Variants in USP7 observed in about 807,000 individuals in gnomAD.
USP7 encodes ubiquitin C-terminal hydrolase 7.
USP7 carries 9 observed loss-of-function variants against 162.9 expected under a neutral mutation model. The ratio of observed to expected loss-of-function variants is 0.06; its 90% CI spans 0.03 to 0.10. The LOEUF is 0.10. Ranked by LOEUF, USP7 falls within the 10% of genes least tolerant of loss-of-function variation. The pLI is 1.00. For missense variants in USP7, 715 were observed against 1,373.7 expected (o/e 0.52, Z 7.58); for synonymous variants, 562 against 475.9 (o/e 1.18, Z -2.35).
At chr16:8,940,893 C>T (rs551418171) in intron 1 of USP7, among the ~76,000 whole-genome samples, 2 of 151,546 alleles carry the variant, frequency 1.3e-5, no homozygotes, top group Non-Finnish European at 2.9e-5. Flanking sequence ...GGAATATATA[C>T]AGTCTCCAGA....
intron 11 of USP7, among the ~76,000 whole-genome samples, chr16:8,910,379 A>C (rs751779867): frequency 6.6e-6 from 1 of 152,230 alleles, no homozygotes; most frequent in Non-Finnish European, 1.5e-5. Flanking sequence ...ACATTTAAAA[A>C]TAAAGAAACA....
chr16:8,913,453 A>G (rs2061980259), intron 10 of USP7, among the ~76,000 whole-genome samples: 1 of 152,048 alleles, frequency 6.6e-6, no homozygotes, highest in East Asian at 1.9e-4. Flanking sequence ...GATGAACAGA[A>G]AGAGTAAGGA....
intron 1 of USP7, among the ~76,000 whole-genome samples, chr16:8,939,403 G>T (rs1040000013): frequency 6.6e-6 from 1 of 152,228 alleles, no homozygotes; most frequent in African/African-American, 2.4e-5. Flanking sequence ...TATCATGGCA[G>T]GGATGGACTG....
At chr16:8,959,991 AAC>A (rs537292601) in intron 1 of USP7, among the ~76,000 whole-genome samples, 55 of 152,302 alleles carry the variant, frequency 3.6e-4, no homozygotes, top group African/African-American at 1.3e-3. Flanking sequence ...CAGGGAAAAA[AAC>A]AGTTTGTATG....
chr16:8,918,010 T>TC (rs1897471033), intron 6 of USP7, among the ~76,000 whole-genome samples: 1 of 151,634 alleles, frequency 6.6e-6, no homozygotes, highest in Non-Finnish European at 1.5e-5. Flanking sequence ...CAGGATGGTC[T>TC]CGATCTGCTG....
chr16:8,904,312 A>G lies in USP7; in HGVS notation c.1704+123T>C, dbSNP rs891802738. On this transcript the variant is annotated intron_variant, in intron 15 of 30. Coordinates refer to ENST00000344836, the MANE Select transcript of USP7 (RefSeq NM_003470.3). Reference sequence around the variant, plus strand: ...GACTGACCTGCACTTGCGTACAGAGATGGATGCCCTGCTGCATGGTGACCT... The same window carrying G: ...GACTGACCTGCACTTGCGTACAGAGGTGGATGCCCTGCTGCATGGTGACCT... 7 of 1,513,370 alleles carry G rather than the reference A, an allele frequency of 4.6e-6. No homozygotes were observed. In the Admixed American group the frequency reaches 1.4e-4, roughly 29 times the overall value. 93.7% of individuals were successfully genotyped at this position (1,513,370 alleles called of 1,614,324 possible).
chr16:8,894,960 A>T, intron 28 of USP7, 71 bp downstream of exon 28: 1 of 1,613,352 alleles, frequency 6.2e-7, no homozygotes, highest in Non-Finnish European at 8.5e-7. Context: ...AGGAGCGCAG[A>T]TTCGGCAACA....
chr16:8,928,373 G>A (rs1420068365), intron 2 of USP7, among the ~76,000 whole-genome samples: 1 of 152,194 alleles, frequency 6.6e-6, no homozygotes, highest in Non-Finnish European at 1.5e-5. Context: ...CAGAGTCTTA[G>A]GGAATCATTA....
At chr16:8,905,737 G>C (rs1172099595) in intron 13 of USP7, among the ~76,000 whole-genome samples, 2 of 152,184 alleles carry the variant, frequency 1.3e-5, no homozygotes, top group Non-Finnish European at 2.9e-5. Context: ...AACTAAATGA[G>C]CTGTTTTATC....
At chr16:8,934,448 A>C (rs1334273599) in intron 1 of USP7, among the ~76,000 whole-genome samples, 2 of 152,270 alleles carry the variant, frequency 1.3e-5, no homozygotes, top group African/African-American at 4.8e-5. Flanking sequence ...TCAAGAGCGC[A>C]TAACATCTTA....
intron 1 of USP7, chr16:8,956,357 G>C (rs781305301): frequency 6.6e-6 from 1 of 152,218 alleles, no homozygotes; most frequent in African/African-American, 2.4e-5. Flanking sequence ...CATTCATGAA[G>C]TTAAAGCTCC....
In USP7 at chr16:8,908,460, G is replaced by C; in HGVS notation, c.1162-10C>G. On this transcript the variant is annotated splice_polypyrimidine_tract_variant and intron_variant, in intron 11 of 30. Transcript: ENST00000344836. ...CACCTTTCTCTGCTTCCTAAACATT[G>C]AAAAACAAATGCAAATGTAGTTAGC... 6.2e-7 allele frequency: 1 copy of C among 1,601,616 alleles called. No homozygotes were observed. Among genetic ancestry groups the C allele is most frequent in the Non-Finnish European group, 8.5e-7 (1 of 1,174,046 alleles).
intron 2 of USP7, among the ~76,000 whole-genome samples, chr16:8,928,704 A>G (rs1898151321): frequency 6.6e-6 from 1 of 152,210 alleles, no homozygotes; most frequent in Non-Finnish European, 1.5e-5. Context: ...GCTACGGAAG[A>G]TTACTCAACC....
intron 25 of USP7, among the ~76,000 whole-genome samples, chr16:8,898,102 C>G (rs1307420272): frequency 1.3e-5 from 2 of 152,106 alleles, no homozygotes; most frequent in African/African-American, 4.8e-5. Context: ...TGGCAATGCG[C>G]AAGCATCACA....
intron 1 of USP7, among the ~76,000 whole-genome samples, chr16:8,955,704 C>CA (rs58029349): frequency 0.02 from 2,037 of 100,858 alleles, 114 homozygotes; most frequent in East Asian, 0.045. Context: ...GATTCCATCT[C>CA]AAAAAAAAAA....
intron 1 of USP7, among the ~76,000 whole-genome samples, chr16:8,952,057 T>A (rs1596413968): frequency 8.5e-6 from 1 of 118,020 alleles, no homozygotes; most frequent in Admixed American, 1.0e-4. Flanking sequence ...AGCAGGAGGG[T>A]GTTTAAATAA....
chr16:8,962,818 G>C (rs565775299), intron 1 of USP7: 2 of 158,418 alleles, frequency 1.3e-5, no homozygotes, highest in South Asian at 3.3e-4. Flanking sequence ...GGGGAGGTCA[G>C]GAATTCCCCA....
Position 8,930,325 on chromosome 16 carries a change from CCAT to C in USP7, c.149_151del (p.Asp50del). The C allele has an allele frequency of 6.2e-7, 1 of 1,613,724 alleles. No homozygotes were observed. Among genetic ancestry groups the C allele is most frequent in the Non-Finnish European group, 8.5e-7 (1 of 1,179,826 alleles). On this transcript the variant is annotated inframe_deletion, in exon 2 of 31. Transcript: ENST00000344836. ...CATGTCCTCCTCCGCGGTGTTGTGT[CCAT>C]CACTCAGGGCCACATTCCCATTGAT...
intron 1 of USP7, among the ~76,000 whole-genome samples, chr16:8,947,376 C>G (rs567113543): frequency 5.0e-4 from 76 of 151,896 alleles, no homozygotes; most frequent in Non-Finnish European, 7.8e-4. Context: ...CACACAGGGT[C>G]TCACTCTTAT....
Sources: allele counts gnomAD v4.1 joint callset (sites outside exome capture counted in the v4.1 genomes callset), GRCh38; gene constraint gnomAD v4.1.1; transcripts MANE v1.5; gene names NCBI Gene and HGNC (gene_info 2026-07-23, HGNC 2026-07-21).